ALG6: variants seen among roughly 807,000 people sequenced by gnomAD.
The protein encoded by ALG6 is dolichyl pyrophosphate Man9GlcNAc2 alpha-1,3-glucosyltransferase.
In ALG6, 46 loss-of-function variants were observed where a neutral mutation model predicts 66.6. That is an observed-to-expected ratio of 0.69 (90% CI 0.55 to 0.88). The LOEUF (loss-of-function observed/expected upper bound fraction) is 0.88. Ranked by LOEUF, ALG6 falls within the 40% of genes least tolerant of loss-of-function variation. The pLI is 0.00. For synonymous variants in ALG6, 185 were observed against 203.7 expected (o/e 0.91, Z 0.78); for missense variants, 505 against 586.8 (o/e 0.86, Z 1.44).
chr1:63,436,689 T>C, intron 14 of ALG6, 134 bp from the exon 15 acceptor site: 1 of 843,824 alleles, frequency 1.2e-6, no homozygotes, highest in Non-Finnish European at 1.9e-6. Flanking sequence ...AAGTCAAAGT[T>C]GAGATACACC....
intron 2 of ALG6, among the ~76,000 whole-genome samples, chr1:63,376,284 G>A (rs1648123458): frequency 6.6e-6 from 1 of 152,150 alleles, no homozygotes; most frequent in Admixed American, 6.5e-5. Flanking sequence ...CATAGATAAG[G>A]TGCAGTTAAA....
intron 3 of ALG6, among the ~76,000 whole-genome samples, chr1:63,401,075 C>T (rs1232993029): frequency 6.6e-6 from 1 of 152,120 alleles, no homozygotes; most frequent in Non-Finnish European, 1.5e-5. Context: ...CTTCAAGTCC[C>T]AGCCAGACAT....
chr1:63,421,248 G>A (rs1458876822), intron 12 of ALG6, among the ~76,000 whole-genome samples: 1 of 152,036 alleles, frequency 6.6e-6, no homozygotes, highest in African/African-American at 2.4e-5. Flanking sequence ...GCGTGATCTT[G>A]GCTCACCACA....
At chr1:63,432,288 C>T (rs991149187) in intron 14 of ALG6, among the ~76,000 whole-genome samples, 10 of 150,204 alleles carry the variant, frequency 6.7e-5, no homozygotes, top group African/African-American at 2.0e-4. Context: ...TATTATATGA[C>T]ATATTTCATT....
chr1:63,371,185 G>C lies in ALG6; in HGVS notation c.82+126G>C. The C allele has an allele frequency of 7.3e-6, 5 of 680,558 alleles. No homozygotes were observed. In the Admixed American group the frequency reaches 7.4e-5, roughly 10 times the overall value. The allele number at this position is 680,558 out of a possible 1,614,324, so 42.2% of individuals were successfully genotyped here. On this transcript the variant is annotated intron_variant, in intron 2 of 14. Coordinates refer to ENST00000263440, the MANE Select transcript of ALG6 (RefSeq NM_013339.4). ...TTTCAGGCCTTTTTGATATGGTTGAGAAAATACATTTAAATGTCCAGTTCT... is the reference window on the plus strand; with the variant it reads ...TTTCAGGCCTTTTTGATATGGTTGACAAAATACATTTAAATGTCCAGTTCT...
chr1:63,386,755 A>G (rs905471882), intron 2 of ALG6, among the ~76,000 whole-genome samples: 3 of 151,232 alleles, frequency 2.0e-5, no homozygotes, highest in Admixed American at 6.6e-5. Flanking sequence ...CTTTTCGAAA[A>G]CCAACTTTTT....
At chr1:63,402,192 A>G (rs951175818) in intron 3 of ALG6, 62 bp from the exon 4 acceptor site, 8 of 999,950 alleles carry the variant, frequency 8.0e-6, no homozygotes, top group East Asian at 2.4e-5. Context: ...ATGTTAAATT[A>G]TAAGTCTACT....
At chr1:63,382,665 GTTTT>G (rs59236936) in intron 2 of ALG6, among the ~76,000 whole-genome samples, 30,331 of 90,974 alleles carry the variant, frequency 0.33, 3,671 homozygotes, top group South Asian at 0.38. Flanking sequence ...GTTTTTTTTT[GTTTT>G]TTTTTTTTTG....
At chr1:63,399,170 C>G (rs1644431007) in intron 3 of ALG6, among the ~76,000 whole-genome samples, 1 of 152,172 alleles carries the variant, frequency 6.6e-6, no homozygotes, top group African/African-American at 2.4e-5. Flanking sequence ...GCTCCTAGAG[C>G]TCACATGCCA....
intron 3 of ALG6, among the ~76,000 whole-genome samples, chr1:63,398,776 ATAAT>A (rs949950288): frequency 2.0e-5 from 3 of 152,106 alleles, no homozygotes; most frequent in African/African-American, 4.8e-5. Context: ...TGCCTGGCCG[ATAAT>A]TAGATTTCTT....
rs1557587235 is a variant in ALG6, at chr1:63,400,207, ATATATATATATATACGTAT to A, written c.168-2046_168-2028del. Among the ~76,000 whole-genome samples, 28 of 29,508 alleles carry A rather than the reference ATATATATATATATACGTAT, an allele frequency of 9.5e-4. 1 individual carries two copies. The highest frequency in any genetic ancestry group is 3.4e-3 in the African/African-American group (17 of 5,024). The allele number at this position is 29,508 out of a possible 152,430, so 19.4% of individuals were successfully genotyped here. A position where few individuals can be genotyped will look rare whatever the true frequency, so the allele number is the denominator to read the frequency against. On this transcript the variant is annotated intron_variant, in intron 3 of 14. Transcript: ENST00000263440. ...AAAACTCTGTCTCAAAAAAAAAAAA[ATATATATATATATACGTAT>A]ATATATATATATATATACGTATATA...
intron 5 of ALG6, among the ~76,000 whole-genome samples, chr1:63,404,860 TA>T (rs1557589373): frequency 6.6e-6 from 1 of 152,168 alleles, no homozygotes; most frequent in African/African-American, 2.4e-5. Context: ...TGAAGCAAGA[TA>T]GCTATAAATT....
intron 6 of ALG6, 134 bp downstream of exon 6, chr1:63,406,533 T>G (rs1644490583): frequency 2.5e-6 from 2 of 785,848 alleles, no homozygotes; most frequent in Non-Finnish European, 4.2e-6. Context: ...CTATCAATTT[T>G]CACTTCAAAA....
At chr1:63,379,470 T>C (rs1345653530) in intron 2 of ALG6, among the ~76,000 whole-genome samples, 4 of 152,176 alleles carry the variant, frequency 2.6e-5, no homozygotes, top group African/African-American at 9.7e-5. Flanking sequence ...CATTGTATTT[T>C]AAATTGTAGT....
chr1:63,416,597 C>G (rs1304382924), intron 11 of ALG6, among the ~76,000 whole-genome samples: 1 of 151,950 alleles, frequency 6.6e-6, no homozygotes, highest in Non-Finnish European at 1.5e-5. Flanking sequence ...CCTTGAAAAT[C>G]TTGGTTGAAA....
intron 2 of ALG6, among the ~76,000 whole-genome samples, chr1:63,378,906 T>A (rs965238268): frequency 2.6e-5 from 4 of 151,280 alleles, no homozygotes; most frequent in Admixed American, 2.6e-4. Flanking sequence ...AGGTTTCAGT[T>A]ATTATATTTT....
chr1:63,398,004 A>G (rs1016376632), intron 3 of ALG6, among the ~76,000 whole-genome samples: 5 of 152,176 alleles, frequency 3.3e-5, no homozygotes, highest in East Asian at 1.9e-4. Flanking sequence ...TGCCTGTGTC[A>G]TTTTTATTGA....
chr1:63,415,741 TA>T, intron 10 of ALG6, 131 bp from the exon 11 acceptor site: 1 of 568,714 alleles, frequency 1.8e-6, no homozygotes, highest in East Asian at 3.2e-5. Context: ...ATTTAATAAA[TA>T]AAAATATAGT....
chr1:63,400,701 G>A (rs565613041), intron 3 of ALG6, among the ~76,000 whole-genome samples: 4 of 152,118 alleles, frequency 2.6e-5, no homozygotes, highest in African/African-American at 9.6e-5. Flanking sequence ...ACCAAATCAA[G>A]TTGTATTGGA....
Sources: allele counts gnomAD v4.1 joint callset (sites outside exome capture counted in the v4.1 genomes callset), GRCh38; gene constraint gnomAD v4.1.1; transcripts MANE v1.5; gene names NCBI Gene and HGNC (gene_info 2026-07-23, HGNC 2026-07-21).